ARHGAP45: variants seen among roughly 807,000 people sequenced by gnomAD.
The protein encoded by ARHGAP45 is Rho GTPase activating protein 45.
ARHGAP45 carries 56 observed loss-of-function variants against 116.1 expected under a neutral mutation model. The ratio of observed to expected loss-of-function variants is 0.48; its 90% CI spans 0.39 to 0.60. The LOEUF (loss-of-function observed/expected upper bound fraction) is 0.60. ARHGAP45 is among the 20% of genes least tolerant of loss of function. The pLI is 0.00. For missense variants in ARHGAP45, 1,622 were observed against 1,601.0 expected (o/e 1.01, Z -0.22); for synonymous variants, 866 against 701.7 (o/e 1.23, Z -3.70).
chr19:1,085,641 ATC>A lies in ARHGAP45; in HGVS notation c.3065-17_3065-16del. On this transcript the variant is annotated splice_polypyrimidine_tract_variant and intron_variant, in intron 22 of 22. Coordinates refer to ENST00000313093, the MANE Select transcript of ARHGAP45 (RefSeq NM_012292.5). The stretch of plus-strand genomic sequence containing the variant: ...TCTCTCCTGTCTGTCTCCCCCCGCC[ATC>A]TGTCTCCCTTTCTTAGAATCCCGAG... 6.7e-7 allele frequency: 1 copy of A among 1,497,122 alleles called. No homozygotes were observed. The highest frequency in any genetic ancestry group is 9.0e-7 in the Non-Finnish European group (1 of 1,113,154). The allele number at this position is 1,497,122 out of a possible 1,614,324, so 92.7% of individuals were successfully genotyped here.
intron 11 of ARHGAP45, among the ~76,000 whole-genome samples, chr19:1,079,221 C>T (rs1342346827): frequency 6.7e-6 from 1 of 149,854 alleles, no homozygotes; most frequent in Non-Finnish European, 1.5e-5. Flanking sequence ...GGGTCTCAGG[C>T]TGAGTGTGGT....
Position 1,071,387 on chromosome 19 carries a change from C to T in ARHGAP45, c.422-1762C>T. ...AGGGGACAGGTGCCGGGCGCTGGGT[C>T]CCGCCGCGTCCGGGAGCACGTGGCG... On this transcript the variant is annotated intron_variant, in intron 2 of 22. Transcript: ENST00000313093. The surrounding 1 kb of genome is among the most constrained non-coding windows in gnomAD (Gnocchi z 4.6). 8.3e-7 allele frequency: 1 copy of T among 1,199,330 alleles called. No homozygotes were observed. Among genetic ancestry groups the T allele is most frequent in the Non-Finnish European group, 1.0e-6 (1 of 963,722 alleles). The allele number at this position is 1,199,330 out of a possible 1,614,324, so 74.3% of individuals were successfully genotyped here.
chr19:1,080,331 CCAG>C lies in ARHGAP45; in HGVS notation c.1781_1783del (p.Pro594_Glu595delinsGln). The C allele has an allele frequency of 6.2e-7, 1 of 1,610,272 alleles. No homozygotes were observed. Among genetic ancestry groups the C allele is most frequent in the Non-Finnish European group, 8.5e-7 (1 of 1,179,410 alleles). ...GCGGCCGGAGGCTGCCGGGAGCCCC[CCAG>C]AAGAAGGCGGGTGCACTGAGGGCAC... On this transcript the variant is annotated inframe_deletion, in exon 14 of 23. Coordinates refer to ENST00000313093, the MANE Select transcript of ARHGAP45 (RefSeq NM_012292.5).
rs2043620025 is a variant in ARHGAP45 at position 1,085,867 on chromosome 19, A to ACGGCC, written c.3279_3283dup (p.Gln1095ArgfsTer24). The ACGGCC allele has an allele frequency of 3.7e-6, 6 of 1,612,862 alleles. No individual in the cohort carries two copies. The highest frequency in any genetic ancestry group is 2.7e-5 in the African/African-American group (2 of 75,000). On this transcript the variant is annotated frameshift_variant, in exon 23 of 23. Coordinates refer to ENST00000313093, the MANE Select transcript of ARHGAP45 (RefSeq NM_012292.5). LOFTEE classifies it low-confidence loss of function (END_TRUNC). ...CGGGAGGACGGGGACGGGGACGAGG[A>ACGGCC]CGGCCCGGCCCAGCAGCTCTCAGGA... is the stretch of plus-strand genomic sequence containing the variant.
At position 1,081,731 on chromosome 19, in the gene ARHGAP45, G is replaced by T; in HGVS notation, c.2372G>T (p.Arg791Leu). 6.4e-7 allele frequency: 1 copy of T among 1,565,828 alleles called. No individual in the cohort carries two copies. Among genetic ancestry groups the T allele is most frequent in the African/African-American group, 1.4e-5 (1 of 74,062 alleles). ...TGCGAGATCGAGCGGCGGGCGCTGC[G>T]CACCAAGGTGAGGCGGGGGAGGAAG... ...CVCEIERRAL[R>L]TKGIYRVNGV... The change falls in exon 18 of 23, where the codon CGC (arginine) becomes CTC (leucine). Residue 791 changes from arginine to leucine, a missense_variant. Physicochemically the swap from Arg to Leu is moderately radical, Grantham distance 102 (BLOSUM62 -2). Coordinates refer to ENST00000313093, the MANE Select transcript of ARHGAP45 (RefSeq NM_012292.5).
chr19:1,080,848 C>A, intron 16 of ARHGAP45, 44 bp from the exon 17 acceptor site: 9 of 1,606,874 alleles, frequency 5.6e-6, no homozygotes, highest in Non-Finnish European at 7.7e-6. Context: ...ATGGGCCTGG[C>A]CCTGAGCTGC....
At chr19:1,078,759 C>T (rs955498711) in intron 11 of ARHGAP45, among the ~76,000 whole-genome samples, 8 of 151,894 alleles carry the variant, frequency 5.3e-5, no homozygotes, top group Non-Finnish European at 1.2e-4. Context: ...TTCTGTCACC[C>T]AGGCTGGAGT....
At chr19:1,077,183 C>T (rs1283239094) in intron 10 of ARHGAP45, 10 of 985,230 alleles carry the variant, frequency 1.0e-5, no homozygotes, top group Middle Eastern at 5.2e-4. Flanking sequence ...TCTCTGTTCT[C>T]GTCTGTGAGG....
rs1241447581 is a variant in ARHGAP45, at chr19:1,086,301, T to G, written c.*295T>G. ...CCTTGTTGGTGCCCACAGGGCTGTGTGGATGGAGGAAGCTGTCCCTGCCCA... is the reference window on the plus strand; with the variant it reads ...CCTTGTTGGTGCCCACAGGGCTGTGGGGATGGAGGAAGCTGTCCCTGCCCA... On this transcript the variant is annotated 3_prime_UTR_variant, in exon 23 of 23. Transcript: ENST00000313093. 2.7e-6 allele frequency: 1 copy of G among 364,000 alleles called. No homozygotes were observed. Among genetic ancestry groups the G allele is most frequent in the Non-Finnish European group, 5.1e-6 (1 of 196,126 alleles). The allele number at this position is 364,000 out of a possible 1,614,324, so 22.5% of individuals were successfully genotyped here.
chr19:1,085,401 C>T (rs1370129941), intron 22 of ARHGAP45, among the ~76,000 whole-genome samples: 1 of 151,902 alleles, frequency 6.6e-6, no homozygotes, highest in African/African-American at 2.4e-5. Flanking sequence ...TGGGTGGGGA[C>T]ACAGAGCCAG....
intron 17 of ARHGAP45, 133 bp from the exon 18 acceptor site, chr19:1,081,417 A>G (rs2043429774): frequency 1.1e-6 from 1 of 951,260 alleles, no homozygotes; most frequent in Non-Finnish European, 1.5e-6. Context: ...GCCACGAGCC[A>G]CTGTCCAGCT....
intron 22 of ARHGAP45, 41 bp from the exon 23 acceptor site, chr19:1,085,619 C>T: frequency 7.0e-7 from 1 of 1,436,774 alleles, no homozygotes; most frequent in Non-Finnish European, 9.4e-7. Flanking sequence ...TCCTCCATCT[C>T]TCCTGTCTGT....
Position 1,077,880 on chromosome 19 carries a change from C to G in ARHGAP45, c.1209C>G (p.Arg403=). The G allele has an allele frequency of 6.4e-7, 1 of 1,554,040 alleles. No homozygotes were observed. The highest frequency in any genetic ancestry group is 8.7e-7 in the Non-Finnish European group (1 of 1,148,546). ...AGCAAGAGGCGGAGTCCAACCTGCG[C>G]AAGGCCAAGCAGGGTTACGTGCAGC... is the stretch of plus-strand genomic sequence containing the variant. ...RKLQEAESNL[R]KAKQGYVQRC... Residue 403 remains arginine (R), a synonymous_variant, in exon 11 of 23, where the codon CGC becomes CGG. Transcript: ENST00000313093.
chr19:1,074,334 G>A lies in ARHGAP45; in HGVS notation c.929-9G>A, dbSNP rs1338291681. On this transcript the variant is annotated splice_polypyrimidine_tract_variant and intron_variant, in intron 7 of 22. Coordinates refer to ENST00000313093, the MANE Select transcript of ARHGAP45 (RefSeq NM_012292.5). Reference sequence around the variant, plus strand: ...GTCCCAGCACCTCACACCCCTCTCCGGCCCGCAGAGATGGAGTTTGCCAAG... The same window carrying A: ...GTCCCAGCACCTCACACCCCTCTCCAGCCCGCAGAGATGGAGTTTGCCAAG... 2 of 1,610,686 alleles carry A rather than the reference G, an allele frequency of 1.2e-6. No individual in the cohort carries two copies. Among genetic ancestry groups the A allele is most frequent in the Non-Finnish European group, 1.7e-6 (2 of 1,178,786 alleles).
intron 19 of ARHGAP45, 153 bp from the exon 20 acceptor site, chr19:1,082,687 G>C: frequency 1.5e-6 from 1 of 645,522 alleles, no homozygotes; most frequent in Admixed American, 3.4e-5. Flanking sequence ...CGCTGGGCTG[G>C]GAAAGGGGAC....
chr19:1,082,152 G>A (rs2043456717), intron 19 of ARHGAP45, among the ~76,000 whole-genome samples, 191 bp downstream of exon 19: 1 of 150,228 alleles, frequency 6.7e-6, no homozygotes, highest in Admixed American at 6.6e-5. Flanking sequence ...GCGTGGTCAC[G>A]GTAGGAGCGA....
At chr19:1,083,475 G>A (rs987745655) in intron 21 of ARHGAP45, 122 bp downstream of exon 21, 1 of 832,594 alleles carries the variant, frequency 1.2e-6, no homozygotes, top group Non-Finnish European at 1.9e-6. Context: ...GGTTTGGACA[G>A]GGCTGTTCGG....
At chr19:1,084,700 C>T (rs908113511) in intron 22 of ARHGAP45, among the ~76,000 whole-genome samples, 5 of 152,296 alleles carry the variant, frequency 3.3e-5, no homozygotes, top group African/African-American at 9.6e-5. Context: ...GTTTGACCCA[C>T]GTGGGGCCAG....
chr19:1,081,055 G>A lies in ARHGAP45; in HGVS notation c.2181G>A (p.Glu727=). The A allele has an allele frequency of 1.2e-6, 2 of 1,606,040 alleles. No individual in the cohort carries two copies. ...GCTACGTCTACTTCCAGGGTGCTGA[G>A]TGTGAAGAGGTGAGTGGGACGCCCC... ...CNSYVYFQGA[E]CEECCLACHK... The change falls in exon 17 of 23, where the codon GAG becomes GAA. Residue 727 remains glutamate, a synonymous_variant. Transcript: ENST00000313093.
Sources: gnomAD v4.1 joint callset for allele counts (sites outside exome capture counted in the v4.1 genomes callset) on GRCh38, gnomAD v4.1.1 for gene constraint, Gnocchi (gnomAD v3.1) non-coding constraint, MANE v1.5 for transcripts, NCBI Gene and HGNC (gene_info 2026-07-23, HGNC 2026-07-21) for gene names.